The following STON2 variants were observed in gnomAD, a reference collection of about 807,000 sequenced individuals.
STON2 encodes stonin-2.
STON2 carries 29 observed loss-of-function variants against 65.7 expected under a neutral mutation model. That is an observed-to-expected ratio of 0.44 (90% confidence interval 0.33 to 0.60). The LOEUF (loss-of-function observed/expected upper bound fraction) is 0.60. Ranked by LOEUF, STON2 falls within the 20% of genes least tolerant of loss-of-function variation. The pLI is 0.03. For synonymous variants in STON2, 404 were observed against 414.2 expected (o/e 0.98, Z 0.30); for missense variants, 1,054 against 1,118.1 (o/e 0.94, Z 0.82).
chr14:81,268,399 T>G lies in STON2; in HGVS notation c.*15A>C, dbSNP rs1162280354. 1 of 1,289,328 alleles carries G rather than the reference T, an allele frequency of 7.8e-7. No homozygotes were observed. Among genetic ancestry groups the G allele is most frequent in the East Asian group, 5.5e-5 (1 of 18,028 alleles). The allele number at this position is 1,289,328 out of a possible 1,614,324, so 79.9% of individuals were successfully genotyped here. On this transcript the variant is annotated 3_prime_UTR_variant, in exon 8 of 8. Coordinates refer to ENST00000614646, the MANE Select transcript of STON2 (RefSeq NM_001394390.1). Reference sequence around the variant, plus strand: ...TCATGACTCTGGGATCAGGATTCCTTGCCGCAAGGCTTTGTCACTGCACTC... The same window carrying G: ...TCATGACTCTGGGATCAGGATTCCTGGCCGCAAGGCTTTGTCACTGCACTC...
intron 2 of STON2, among the ~76,000 whole-genome samples, chr14:81,411,620 T>C (rs1395774549): frequency 6.6e-6 from 1 of 152,246 alleles, no homozygotes; most frequent in Non-Finnish European, 1.5e-5. Context: ...GGCAGGAGAA[T>C]CGCTTGAACC....
intron 2 of STON2, among the ~76,000 whole-genome samples, chr14:81,424,862 T>C (rs1161353003): frequency 2.0e-5 from 3 of 152,238 alleles, no homozygotes; most frequent in Non-Finnish European, 4.4e-5. Context: ...ATGTTTCTGC[T>C]TTGTTGTTTC....
intron 3 of STON2, 63 bp downstream of exon 3, chr14:81,395,831 C>T: frequency 6.5e-7 from 1 of 1,548,114 alleles, no homozygotes; most frequent in South Asian, 1.2e-5. Flanking sequence ...GCCCTATAGA[C>T]CTCTCACTGA....
At chr14:81,418,758 C>CA (rs947581800) in intron 2 of STON2, among the ~76,000 whole-genome samples, 1 of 152,138 alleles carries the variant, frequency 6.6e-6, no homozygotes, top group African/African-American at 2.4e-5. Context: ...TTTGTTTCCA[C>CA]AAATTTATTA....
At chr14:81,315,578 G>A (rs967445000) in intron 5 of STON2, among the ~76,000 whole-genome samples, 1 of 152,394 alleles carries the variant, frequency 6.6e-6, no homozygotes, top group South Asian at 2.1e-4. Context: ...GATTCCAGCA[G>A]CTCTGCTGAG....
chr14:81,265,736 G>A lies in STON2; in HGVS notation c.*2678C>T. The A allele has an allele frequency of 1.1e-6, 1 of 947,314 alleles. No homozygotes were observed. 58.7% of individuals were successfully genotyped at this position (947,314 alleles called of 1,614,324 possible). ...TTGCAGAATATAGATAGCATAGAAG[G>A]GATTTTTCCCAACTCTTGGTAAAAA... On this transcript the variant is annotated 3_prime_UTR_variant, in exon 8 of 8. Coordinates refer to ENST00000614646, the MANE Select transcript of STON2 (RefSeq NM_001394390.1).
chr14:81,434,922 C>G (rs1161234251), intron 1 of STON2, among the ~76,000 whole-genome samples: 2 of 152,180 alleles, frequency 1.3e-5, no homozygotes, highest in African/African-American at 2.4e-5. Flanking sequence ...CTATGAGCCA[C>G]TGGCATTTTT....
chr14:81,390,992 A>C (rs1387019778), intron 3 of STON2, among the ~76,000 whole-genome samples: 2 of 152,200 alleles, frequency 1.3e-5, no homozygotes, highest in Admixed American at 6.5e-5. Flanking sequence ...TCATCTTCAC[A>C]GTGCCTTCTC....
intron 4 of STON2, among the ~76,000 whole-genome samples, chr14:81,366,242 C>T (rs1172840807): frequency 1.3e-5 from 2 of 152,106 alleles, no homozygotes; most frequent in African/African-American, 4.8e-5. Context: ...AGAGTCTTTC[C>T]CTCCACGATT....
At chr14:81,388,007 T>C (rs1230156497) in intron 3 of STON2, among the ~76,000 whole-genome samples, 2 of 140,090 alleles carry the variant, frequency 1.4e-5, no homozygotes, top group Non-Finnish European at 3.1e-5. Context: ...TGGAGTGCAG[T>C]GGCACAATCT....
chr14:81,316,720 T>C (rs1896633810), intron 5 of STON2, among the ~76,000 whole-genome samples: 1 of 152,076 alleles, frequency 6.6e-6, no homozygotes, highest in African/African-American at 2.4e-5. Flanking sequence ...ACTGGGTAAT[T>C]TATAAAGAAA....
chr14:81,315,015 C>T (rs1203990635), intron 5 of STON2, among the ~76,000 whole-genome samples: 1 of 152,062 alleles, frequency 6.6e-6, no homozygotes, highest in African/African-American at 2.4e-5. Flanking sequence ...TGGCCTAACA[C>T]CTCCATTTTG....
chr14:81,275,303 C>A (rs1894770224), intron 6 of STON2, among the ~76,000 whole-genome samples: 1 of 152,100 alleles, frequency 6.6e-6, no homozygotes, highest in Non-Finnish European at 1.5e-5. Flanking sequence ...TACCAGGAGG[C>A]ACCAGTGATA....
chr14:81,367,241 C>T (rs565150482), intron 4 of STON2, among the ~76,000 whole-genome samples: 9 of 152,174 alleles, frequency 5.9e-5, no homozygotes, highest in Non-Finnish European at 8.8e-5. Flanking sequence ...TGCGGTGGCA[C>T]GATCTTGGCT....
At chr14:81,321,441 G>A (rs1218608218) in intron 5 of STON2, among the ~76,000 whole-genome samples, 1 of 151,910 alleles carries the variant, frequency 6.6e-6, no homozygotes, top group Admixed American at 6.6e-5. Flanking sequence ...CCACAGCTGG[G>A]TATTGTTCTG....
At chr14:81,368,808 T>C (rs536701770) in intron 4 of STON2, among the ~76,000 whole-genome samples, 1 of 152,198 alleles carries the variant, frequency 6.6e-6, no homozygotes, top group African/African-American at 2.4e-5. Context: ...AATAAGAGCA[T>C]CCCTCCTCAT....
chr14:81,314,136 T>C (rs912420132), intron 5 of STON2, among the ~76,000 whole-genome samples: 10 of 152,368 alleles, frequency 6.6e-5, no homozygotes, highest in African/African-American at 2.4e-4. Context: ...AGACAAATCC[T>C]GGAAATCTCA....
intron 1 of STON2, chr14:81,436,270 C>T (rs997612821): frequency 6.6e-6 from 1 of 151,612 alleles, no homozygotes; most frequent in African/African-American, 2.4e-5. Flanking sequence ...CCTGCGGGGC[C>T]CCTCTTGGGG....
At chr14:81,389,573 C>A (rs530076320) in intron 3 of STON2, among the ~76,000 whole-genome samples, 61 of 152,256 alleles carry the variant, frequency 4.0e-4, no homozygotes, top group Non-Finnish European at 1.3e-4. Context: ...ACAAAAAGCA[C>A]GAGAGGGCCA....
Sources: allele counts gnomAD v4.1 joint callset (sites outside exome capture counted in the v4.1 genomes callset), GRCh38; gene constraint gnomAD v4.1.1; transcripts MANE v1.5; gene names NCBI Gene and HGNC (gene_info 2026-07-23, HGNC 2026-07-21).